The following TXNRD3 variants were observed in gnomAD, a reference collection of about 807,000 sequenced individuals.
The protein encoded by TXNRD3 is TXNRD3 neighbor gene protein.
A neutral mutation model predicts 78.2 loss-of-function variants in TXNRD3; 68 were observed. The observed-to-expected ratio is 0.87, with a 90% confidence interval of 0.72 to 1.06. The LOEUF is 1.06. Among genes scored for constraint, TXNRD3 ranks in the 50% least tolerant of loss-of-function variants. TXNRD3 has a pLI of 0.00. For synonymous variants in TXNRD3, 296 were observed against 300.1 expected, an observed-to-expected ratio of 0.99 and a Z score of 0.14; for missense variants, 751 against 809.5, an observed-to-expected ratio of 0.93 and a Z score of 0.88.
At chr3:126,626,247 A>G (rs1193343665) in intron 10 of TXNRD3, among the ~76,000 whole-genome samples, 1 of 152,254 alleles carries the variant, frequency 6.6e-6, no homozygotes, top group African/African-American at 2.4e-5. Flanking sequence ...GTTAGCAAAG[A>G]TTTCTTAGAG....
At chr3:126,652,249 TAC>T (rs1233448274) in intron 1 of TXNRD3, among the ~76,000 whole-genome samples, 1 of 152,070 alleles carries the variant, frequency 6.6e-6, no homozygotes, top group Non-Finnish European at 1.5e-5. Context: ...GGGGAGATGC[TAC>T]ACACTTTTAA....
intron 6 of TXNRD3, among the ~76,000 whole-genome samples, chr3:126,635,480 C>T (rs1938834779): frequency 6.6e-6 from 1 of 152,146 alleles, no homozygotes; most frequent in Non-Finnish European, 1.5e-5. Flanking sequence ...GTGTTTAGTC[C>T]TGCAACAGTA....
In TXNRD3 at chr3:126,615,437, G is replaced by A; in HGVS notation, c.1550C>T (p.Thr517Ile). ...ACCATACTCCAGAGGAGTAAACACTGTAGTCGGAACATTAATATAATCACA... is the reference window on the plus strand; with the variant it reads ...ACCATACTCCAGAGGAGTAAACACTATAGTCGGAACATTAATATAATCACA... The change falls in exon 13 of 16, where the codon ACA becomes ATA. Residue 517 changes from threonine (T) to isoleucine (I), a missense_variant. Physicochemically the swap from Thr to Ile is moderately conservative, Grantham distance 89. Transcript: ENST00000524230. 6.6e-7 allele frequency: 1 copy of A among 1,510,596 alleles called. No homozygotes were observed. Among genetic ancestry groups the A allele is most frequent in the Non-Finnish European group, 8.8e-7 (1 of 1,134,824 alleles). 93.6% of individuals were successfully genotyped at this position (1,510,596 alleles called of 1,614,324 possible).
Position 126,629,484 on chromosome 3 carries a change from A to G in TXNRD3, c.1198-13T>C. The stretch of plus-strand genomic sequence containing the variant: ...CCAACTGTTGAACCTAGTAAGAATG[A>G]AGAGTGTAATGATGTTATCTAAATA... On this transcript the variant is annotated splice_polypyrimidine_tract_variant and intron_variant, in intron 9 of 15. Coordinates refer to ENST00000524230, the MANE Select transcript of TXNRD3 (RefSeq NM_052883.3). The G allele has an allele frequency of 6.6e-7, 1 of 1,522,922 alleles. No homozygotes were observed. Among genetic ancestry groups the G allele is most frequent in the Non-Finnish European group, 8.8e-7 (1 of 1,135,368 alleles). The allele number at this position is 1,522,922 out of a possible 1,614,324, so 94.3% of individuals were successfully genotyped here.
Position 126,622,569 on chromosome 3 carries a change from A to T in TXNRD3, c.1291-29T>A, listed in dbSNP as rs1258453921. 2.7e-6 allele frequency: 4 copies of T among 1,488,532 alleles called. No homozygotes were observed. The African/African-American group carries it at 5.6e-5, about 21-fold the overall frequency. The allele number at this position is 1,488,532 out of a possible 1,614,324, so 92.2% of individuals were successfully genotyped here. A position where few individuals can be genotyped will look rare whatever the true frequency, so the allele number is the denominator to read the frequency against. ...CATTTGCAGAGAAATCAAAAACACA[A>T]ATTATCCATATCGGGAATGAAAGAA... On this transcript the variant is annotated intron_variant, in intron 10 of 15. Transcript: ENST00000524230.
rs563085186 is a variant in TXNRD3 at position 126,633,137 on chromosome 3, T to C, written c.855+772A>G. ...CACATCATCCAAAATATAGATTATA[T>C]GGCAAATGATAACAACCGTTAAACC... On this transcript the variant is annotated intron_variant, in intron 7 of 15. Coordinates refer to ENST00000524230, the MANE Select transcript of TXNRD3 (RefSeq NM_052883.3). 2.8e-4 allele frequency among the ~76,000 whole-genome samples: 42 copies of C among 152,346 alleles called. 1 individual carries two copies. The highest frequency in any genetic ancestry group is 1.0e-3 in the African/African-American group (42 of 41,584).
At chr3:126,623,884 C>A (rs1938512283) in intron 10 of TXNRD3, among the ~76,000 whole-genome samples, 1 of 114,424 alleles carries the variant, frequency 8.7e-6, no homozygotes, top group African/African-American at 2.8e-5. Flanking sequence ...TAAAAGCATG[C>A]AGACTGGAAA....
intron 9 of TXNRD3, 115 bp downstream of exon 9, chr3:126,630,597 G>A (rs1275550884): frequency 1.7e-6 from 2 of 1,143,710 alleles, no homozygotes; most frequent in Non-Finnish European, 2.5e-6. Flanking sequence ...ACTTGGGAGT[G>A]GAAACACTGT....
chr3:126,630,614 A>G (rs777224), intron 9 of TXNRD3, 98 bp downstream of exon 9: 265,738 of 1,267,496 alleles, frequency 0.21, 29,618 homozygotes, highest in Admixed American at 0.32. Context: ...CTGTTTTAAC[A>G]TTATTTGAAT....
intron 12 of TXNRD3, among the ~76,000 whole-genome samples, chr3:126,620,357 A>G (rs1193405686): frequency 6.6e-6 from 1 of 152,116 alleles, no homozygotes; most frequent in African/African-American, 2.4e-5. Context: ...GGGAAATTGA[A>G]TATTATAGTA....
At chr3:126,642,734 A>G (rs1933124323) in intron 5 of TXNRD3, among the ~76,000 whole-genome samples, 1 of 152,220 alleles carries the variant, frequency 6.6e-6, no homozygotes, top group Non-Finnish European at 1.5e-5. Flanking sequence ...ACAGAAAACA[A>G]GTGTTCACAC....
At chr3:126,640,955 A>G (rs1234896778) in intron 6 of TXNRD3, among the ~76,000 whole-genome samples, 1 of 152,158 alleles carries the variant, frequency 6.6e-6, no homozygotes. Flanking sequence ...TAACAAAATC[A>G]TCACAAAGAC....
chr3:126,654,916 G>T lies in TXNRD3; in HGVS notation c.75C>A (p.Val25=), dbSNP rs1208229327. The change falls in exon 1 of 16, where the codon GTC becomes GTA. Residue 25 remains valine (V), a synonymous_variant. Coordinates refer to ENST00000524230, the MANE Select transcript of TXNRD3 (RefSeq NM_052883.3). Reference sequence around the variant, plus strand: ...GCGGCGACAACACGCGCGCCCCTCGGACATGGCCCGAGCGGCGGTTGGGGG... The same window carrying T: ...GCGGCGACAACACGCGCGCCCCTCGTACATGGCCCGAGCGGCGGTTGGGGG... 1.3e-5 allele frequency: 17 copies of T among 1,301,770 alleles called. No individual in the cohort carries two copies. The highest frequency in any genetic ancestry group is 1.6e-5 in the Non-Finnish European group (17 of 1,032,182). The allele number at this position is 1,301,770 out of a possible 1,614,324, so 80.6% of individuals were successfully genotyped here.
At position 126,631,046 on chromosome 3, in the gene TXNRD3, T is replaced by G. The variant is rs9824384; in HGVS notation, c.972-109A>C. On this transcript the variant is annotated intron_variant, in intron 8 of 15. Transcript: ENST00000524230. ...GATGACTGAATTATAATTTAGTGCT[T>G]GAATGAAGCAACAGCCTTTTGAAAT... 31,512 of 1,096,704 alleles carry G rather than the reference T, an allele frequency of 0.029. 557 individuals are homozygous for G. The highest frequency in any genetic ancestry group is 0.06 in the African/African-American group (3,760 of 63,166). The allele number at this position is 1,096,704 out of a possible 1,614,324, so 67.9% of individuals were successfully genotyped here.
intron 6 of TXNRD3, among the ~76,000 whole-genome samples, chr3:126,635,589 A>G (rs1938838813): frequency 6.6e-6 from 1 of 152,222 alleles, no homozygotes; most frequent in South Asian, 2.1e-4. Context: ...TTTTAAAATA[A>G]TCAGCCAATC....
Position 126,637,218 on chromosome 3 carries a change from T to C in TXNRD3, c.713-3167A>G, listed in dbSNP as rs144187884. On this transcript the variant is annotated intron_variant, in intron 6 of 15. Transcript: ENST00000524230. Reference sequence around the variant, plus strand: ...CTTTTCATCAAGATATTTAACATTATGACCACTAATTTTTATACTCAATTT... The same window carrying C: ...CTTTTCATCAAGATATTTAACATTACGACCACTAATTTTTATACTCAATTT... Among the ~76,000 whole-genome samples, 78 of 152,340 alleles carry C rather than the reference T, an allele frequency of 5.1e-4. 1 individual carries two copies. Among genetic ancestry groups the C allele is most frequent in the African/African-American group, 1.8e-3 (73 of 41,572 alleles).
intron 13 of TXNRD3, 125 bp from the exon 14 acceptor site, chr3:126,611,257 C>A (rs1471149914): frequency 1.9e-6 from 1 of 523,108 alleles, no homozygotes; most frequent in Non-Finnish European, 3.1e-6. Flanking sequence ...AGTTCAGTGA[C>A]CCCAACTTTA....
chr3:126,609,049 C>A, intron 14 of TXNRD3: 1 of 292,062 alleles, frequency 3.4e-6, no homozygotes, highest in South Asian at 3.1e-5. Flanking sequence ...CTGCTCCCAA[C>A]ATCAAGTGGA....
At chr3:126,654,605 G>A (rs1300302177) in intron 1 of TXNRD3, 143 bp downstream of exon 1, 4 of 355,726 alleles carry the variant, frequency 1.1e-5, no homozygotes, top group African/African-American at 2.2e-5. Flanking sequence ...GGGGACGACC[G>A]GGGAGAGGAG....
Sources: gnomAD v4.1 joint callset for allele counts (sites outside exome capture counted in the v4.1 genomes callset) on GRCh38, gnomAD v4.1.1 for gene constraint, MANE v1.5 for transcripts, NCBI Gene and HGNC (gene_info 2026-07-23, HGNC 2026-07-21) for gene names.